The following COL4A6 variants were observed in gnomAD, a reference collection of about 807,000 sequenced individuals.
COL4A6 encodes the protein collagen alpha-6(IV) chain.
COL4A6 carries 59 observed loss-of-function variants against 126.7 expected under a neutral mutation model. That is an observed-to-expected ratio of 0.47 (90% CI 0.38 to 0.58). The LOEUF is 0.58. COL4A6 is among the 20% of genes least tolerant of loss of function. The pLI, the probability that COL4A6 is intolerant of heterozygous loss-of-function variation, is 0.00. For missense variants in COL4A6, 1,285 were observed against 1,337.3 expected, an observed-to-expected ratio of 0.96 and a Z score of 0.61; for synonymous variants, 547 against 496.6, an observed-to-expected ratio of 1.10 and a Z score of -1.35.
chrX:108,161,734 G>A lies in COL4A6; in HGVS notation c.4218C>T (p.Gly1406=). The change falls in exon 42 of 45, where the codon GGC becomes GGT. Residue 1406 remains glycine, a splice_region_variant and synonymous_variant. Transcript: ENST00000334504. ...PGAQGPVGLQ[G]SKGLPGIPGK... is the part of the protein sequence containing the mutation. ...CGGGGATGCCAGGTAAACCTTTGGA[G>A]CCTGCAGGAGAGAAAGCCCAAAGGA... is the stretch of plus-strand genomic sequence containing the variant. The A allele has an allele frequency of 1.7e-6, 2 of 1,179,988 alleles. No individual in the cohort carries two copies. Among genetic ancestry groups the A allele is most frequent in the Non-Finnish European group, 2.3e-6 (2 of 867,782 alleles).
chrX:108,157,242 C>G lies in COL4A6; in HGVS notation c.4831G>C (p.Glu1611Gln), dbSNP rs774819718. 67 of 1,208,610 alleles carry G rather than the reference C, an allele frequency of 5.5e-5. No individual in the cohort carries two copies. Among genetic ancestry groups the G allele is most frequent in the Admixed American group, 1.3e-4 (6 of 45,714 alleles). ...GAGACCAGGGACTGGCCTCCACCCT[C>G]GGCACCAGCGGCAGTGTGCTGAAAC... ...SFLMHTAAGA[E>Q]GGGQSLVSPG... is the part of the protein sequence containing the mutation. The change falls in exon 45 of 45, where the codon GAG (glutamate) becomes CAG (glutamine). Residue 1611 changes from glutamate (E) to glutamine (Q), a missense_variant. By Grantham distance (29) the Glu-to-Gln change is conservative. Transcript: ENST00000334504.
chrX:108,349,708 G>T (rs1232249112), intron 2 of COL4A6, among the ~76,000 whole-genome samples: 1 of 111,244 alleles, frequency 9.0e-6, no homozygotes, highest in Non-Finnish European at 1.9e-5. Flanking sequence ...ATCTTGATTT[G>T]CTGAGATCTC....
chrX:108,273,591 T>A (rs921822062), intron 3 of COL4A6, among the ~76,000 whole-genome samples: 3 of 112,396 alleles, frequency 2.7e-5, no homozygotes, highest in Non-Finnish European at 5.6e-5. Context: ...CAAATGTCCA[T>A]CAATGATAGA....
intron 2 of COL4A6, among the ~76,000 whole-genome samples, chrX:108,316,338 C>T (rs534738476): frequency 3.6e-5 from 4 of 111,827 alleles, no homozygotes; most frequent in African/African-American, 1.3e-4. Context: ...AAACCAAGTC[C>T]TTGTTTTCAT....
intron 3 of COL4A6, among the ~76,000 whole-genome samples, chrX:108,284,533 T>TAAAAC (rs762421220): frequency 4.5e-5 from 5 of 111,624 alleles, no homozygotes; most frequent in East Asian, 2.8e-4. Context: ...AGAAACAAAA[T>TAAAAC]AAAACAAAAC....
intron 13 of COL4A6, among the ~76,000 whole-genome samples, chrX:108,200,996 G>T (rs747927338): frequency 5.4e-4 from 61 of 112,260 alleles, no homozygotes; most frequent in Non-Finnish European, 9.2e-4. Context: ...AAGTTTGGGT[G>T]TTCTGTCTCC....
At chrX:108,250,368 G>A (rs1332287226) in intron 3 of COL4A6, among the ~76,000 whole-genome samples, 2 of 110,272 alleles carry the variant, frequency 1.8e-5, no homozygotes, top group Admixed American at 9.6e-5. Context: ...AATGAGCATC[G>A]GGCAAACATC....
At chrX:108,397,604 G>A (rs185399785) in intron 2 of COL4A6, among the ~76,000 whole-genome samples, 316 of 100,864 alleles carry the variant, frequency 3.1e-3, no homozygotes, top group African/African-American at 0.011. Context: ...AAAAATATTA[G>A]GCAAAAAGAA....
At chrX:108,206,234 G>C in intron 9 of COL4A6, 2 of 419,426 alleles carry the variant, frequency 4.8e-6, no homozygotes, top group Non-Finnish European at 8.6e-6. Context: ...GGAAATGGAA[G>C]GTGGCAAGAA....
intron 2 of COL4A6, among the ~76,000 whole-genome samples, chrX:108,419,038 C>T (rs149692174): frequency 8.9e-6 from 1 of 112,114 alleles, no homozygotes; most frequent in Non-Finnish European, 1.9e-5. Flanking sequence ...TAAGCCCTTA[C>T]TAGTAGAAAA....
chrX:108,343,163 ATAGTGTGTGTGT>A (rs1206851234), intron 2 of COL4A6, among the ~76,000 whole-genome samples: 3 of 32,482 alleles, frequency 9.2e-5, no homozygotes, highest in African/African-American at 2.7e-4. Context: ...ATATATATAT[ATAGTGTGTGTGT>A]GTGTGTGTGT....
intron 2 of COL4A6, among the ~76,000 whole-genome samples, chrX:108,325,811 A>G (rs2039143009): frequency 9.0e-6 from 1 of 111,479 alleles, no homozygotes; most frequent in Non-Finnish European, 1.9e-5. Context: ...CCAAAAAGAA[A>G]AAAAAAAAAA....
At chrX:108,228,523 G>A (rs990133593) in intron 3 of COL4A6, among the ~76,000 whole-genome samples, 1 of 112,302 alleles carries the variant, frequency 8.9e-6, no homozygotes, top group South Asian at 3.7e-4. Flanking sequence ...AAAAAGTATT[G>A]GAGATAAGGT....
At chrX:108,379,760 A>G (rs182276412) in intron 2 of COL4A6, among the ~76,000 whole-genome samples, 54 of 110,283 alleles carry the variant, frequency 4.9e-4, no homozygotes, top group African/African-American at 1.4e-3. Flanking sequence ...GTATTATGAC[A>G]AATACAGGTG....
chrX:108,431,767 A>G (rs1425513339), intron 2 of COL4A6, among the ~76,000 whole-genome samples: 4 of 111,525 alleles, frequency 3.6e-5, no homozygotes, highest in Non-Finnish European at 5.6e-5. Context: ...TCTGCCCTCA[A>G]TGTGGGCTGG....
chrX:108,164,540 C>T, intron 40 of COL4A6, 60 bp downstream of exon 40: 10 of 1,076,649 alleles, frequency 9.3e-6, no homozygotes, highest in South Asian at 3.8e-5. Context: ...CCTGAAGGAA[C>T]CTTACCACCA....
intron 2 of COL4A6, among the ~76,000 whole-genome samples, chrX:108,326,955 T>G (rs1300353895): frequency 8.9e-6 from 1 of 111,800 alleles, no homozygotes; most frequent in African/African-American, 3.3e-5. Context: ...GGACATCATC[T>G]AAATTAAAAC....
chrX:108,213,462 A>G (rs1240141594), intron 6 of COL4A6, among the ~76,000 whole-genome samples: 1 of 112,080 alleles, frequency 8.9e-6, no homozygotes, highest in African/African-American at 3.2e-5. Flanking sequence ...TCCAATAAAT[A>G]CCTTATCAAT....
intron 3 of COL4A6, among the ~76,000 whole-genome samples, chrX:108,273,461 C>T (rs2147772117): frequency 9.0e-6 from 1 of 111,092 alleles, no homozygotes; most frequent in South Asian, 3.9e-4. Flanking sequence ...TACCATTTGA[C>T]CCAGCCATCC....
Sources: gnomAD v4.1 joint callset for allele counts (sites outside exome capture counted in the v4.1 genomes callset) on GRCh38, gnomAD v4.1.1 for gene constraint, MANE v1.5 for transcripts, NCBI Gene and HGNC (gene_info 2026-07-23, HGNC 2026-07-21) for gene names.